CABLES1: variants seen among roughly 807,000 people sequenced by gnomAD.
CABLES1 encodes the protein CDK5 and ABL1 enzyme substrate 1.
A neutral mutation model predicts 57.8 loss-of-function variants in CABLES1; 36 were observed. The observed-to-expected ratio is 0.62, with a 90% CI of 0.48 to 0.82. The LOEUF (loss-of-function observed/expected upper bound fraction) is 0.82, where lower values mean the gene tolerates loss of function less well. CABLES1 is among the 40% of genes least tolerant of loss of function. CABLES1 has a pLI of 0.00. For missense variants in CABLES1, 767 were observed against 836.6 expected (o/e 0.92, Z 1.03); for synonymous variants, 374 against 363.0 (o/e 1.03, Z -0.35).
chr18:23,194,396 C>T, intron 2 of CABLES1, 52 bp from the exon 3 acceptor site: 1 of 1,163,936 alleles, frequency 8.6e-7, no homozygotes, highest in Non-Finnish European at 1.3e-6. Flanking sequence ...GGAGACGTCT[C>T]AGCTGTCCAG....
chr18:23,206,898 A>T (rs2047367972), intron 3 of CABLES1, among the ~76,000 whole-genome samples: 1 of 150,468 alleles, frequency 6.6e-6, no homozygotes, highest in African/African-American at 2.5e-5. Context: ...GCAGCCTTGA[A>T]CTCCTGGGCT....
chr18:23,205,282 C>G (rs568782778), intron 3 of CABLES1, among the ~76,000 whole-genome samples: 55 of 144,712 alleles, frequency 3.8e-4, no homozygotes, highest in Non-Finnish European at 6.3e-4. Context: ...CAGCCTCCAT[C>G]TCCTGGGTTC....
At chr18:23,201,181 C>T (rs777740315) in intron 3 of CABLES1, among the ~76,000 whole-genome samples, 2 of 152,216 alleles carry the variant, frequency 1.3e-5, no homozygotes, top group Admixed American at 6.5e-5. Context: ...CTGATTATAG[C>T]GCAGGATACA....
chr18:23,157,408 GC>G (rs1251916716), intron 1 of CABLES1, among the ~76,000 whole-genome samples: 1 of 152,122 alleles, frequency 6.6e-6, no homozygotes, highest in African/African-American at 2.4e-5. Flanking sequence ...ACAAAGGCCT[GC>G]CTCAGCCCAT....
intron 1 of CABLES1, among the ~76,000 whole-genome samples, chr18:23,180,723 T>C (rs897736770): frequency 6.6e-5 from 10 of 152,194 alleles, no homozygotes; most frequent in African/African-American, 2.4e-4. Context: ...AGGGCTCCTT[T>C]AAGTAGTAGG....
intron 3 of CABLES1, among the ~76,000 whole-genome samples, chr18:23,199,306 G>A (rs997102527): frequency 3.3e-5 from 5 of 151,896 alleles, no homozygotes; most frequent in African/African-American, 9.7e-5. Context: ...ATAAAATTAC[G>A]ATACAATTAA....
At chr18:23,248,512 CTTTTTTTTTTTTTTTTTTTT>C (rs59555750) in intron 7 of CABLES1, among the ~76,000 whole-genome samples, 32 of 90,728 alleles carry the variant, frequency 3.5e-4, no homozygotes, top group South Asian at 2.1e-3. Flanking sequence ...GACCCTATGT[CTTTTTTTTTTTTTTTTTTTT>C]TTTTTTAAAA....
chr18:23,239,299 G>A (rs2047678523), intron 7 of CABLES1, among the ~76,000 whole-genome samples: 1 of 152,188 alleles, frequency 6.6e-6, no homozygotes. Context: ...GTGCTTCTGG[G>A]AATAGTCCAT....
intron 1 of CABLES1, among the ~76,000 whole-genome samples, chr18:23,176,859 C>T (rs1306742001): frequency 6.6e-6 from 1 of 152,086 alleles, no homozygotes; most frequent in African/African-American, 2.4e-5. Flanking sequence ...TGCTGGACAC[C>T]AAGGGGGAGA....
intron 7 of CABLES1, among the ~76,000 whole-genome samples, chr18:23,242,276 C>G (rs1022117264): frequency 2.0e-5 from 3 of 151,712 alleles, no homozygotes; most frequent in African/African-American, 7.3e-5. Flanking sequence ...GAAACTCTGT[C>G]TCAAAAAAAA....
intron 3 of CABLES1, among the ~76,000 whole-genome samples, chr18:23,202,470 T>A (rs1317729572): frequency 6.6e-6 from 1 of 152,180 alleles, no homozygotes; most frequent in Non-Finnish European, 1.5e-5. Flanking sequence ...AACCTGCTGC[T>A]TATTGTAAGA....
rs144813215 is a variant in CABLES1, at chr18:23,184,574, G to A, written c.846-4264G>A. The stretch of plus-strand genomic sequence containing the variant: ...AAAAATTAGCTGGGTGTGGTCGCGC[G>A]CACCTGTAATCCCAGCTACTCGAGA... On this transcript the variant is annotated intron_variant, in intron 1 of 9. Transcript: ENST00000256925. Among the ~76,000 whole-genome samples, 1,369 of 152,082 alleles carry A rather than the reference G, an allele frequency of 9.0e-3. 13 individuals are homozygous for A. The highest frequency in any genetic ancestry group is 0.03 in the African/African-American group (1,234 of 41,460).
At chr18:23,181,496 C>CAAAAAAAAAAAAA (rs59742943) in intron 1 of CABLES1, among the ~76,000 whole-genome samples, 3 of 35,410 alleles carry the variant, frequency 8.5e-5, no homozygotes, top group Non-Finnish European at 1.0e-4. Context: ...AGCTTCGTCT[C>CAAAAAAAAAAAAA]AAAAAAAAAA....
intron 1 of CABLES1, among the ~76,000 whole-genome samples, chr18:23,163,730 ACT>A (rs1340344496): frequency 6.6e-6 from 1 of 151,896 alleles, no homozygotes; most frequent in Admixed American, 6.6e-5. Flanking sequence ...AAACTACTTG[ACT>A]CTGTGGTCAT....
intron 5 of CABLES1, 127 bp downstream of exon 5, chr18:23,234,831 C>T: frequency 2.8e-6 from 2 of 726,860 alleles, no homozygotes; most frequent in South Asian, 1.7e-5. Context: ...GATTCCCAGG[C>T]ATGTGATGCC....
At chr18:23,166,603 A>G (rs566000718) in intron 1 of CABLES1, among the ~76,000 whole-genome samples, 11 of 152,346 alleles carry the variant, frequency 7.2e-5, no homozygotes, top group African/African-American at 2.4e-4. Flanking sequence ...CAAATTACGC[A>G]TAAACCTATC....
intron 1 of CABLES1, among the ~76,000 whole-genome samples, chr18:23,139,419 A>AAAG (rs1162897454): frequency 6.6e-6 from 1 of 151,864 alleles, no homozygotes; most frequent in African/African-American, 2.4e-5. Flanking sequence ...AAAAAAAAAA[A>AAAG]AAAAATTAGA....
intron 1 of CABLES1, among the ~76,000 whole-genome samples, chr18:23,148,322 TCC>T (rs1225623758): frequency 6.6e-6 from 1 of 152,084 alleles, no homozygotes; most frequent in Non-Finnish European, 1.5e-5. Flanking sequence ...GGATACCCTC[TCC>T]CGTGTGAGGG....
intron 1 of CABLES1, chr18:23,156,057 C>A: frequency 7.4e-7 from 1 of 1,352,220 alleles, no homozygotes; most frequent in Non-Finnish European, 1.1e-6. Flanking sequence ...ATCTCTGAGG[C>A]TCAGCCTGGA....
Sources: allele counts gnomAD v4.1 joint callset (sites outside exome capture counted in the v4.1 genomes callset), GRCh38; gene constraint gnomAD v4.1.1; transcripts MANE v1.5; gene names NCBI Gene and HGNC (gene_info 2026-07-23, HGNC 2026-07-21).